HSF1: variants seen among roughly 807,000 people sequenced by gnomAD.
The protein encoded by HSF1 is heat shock transcription factor 1, also known as heat shock factor protein 1.
A neutral mutation model predicts 51.7 loss-of-function variants in HSF1; 32 were observed. The observed-to-expected ratio is 0.62, with a 90% confidence interval of 0.47 to 0.83. HSF1 has a LOEUF of 0.83. HSF1 is among the 40% of genes least tolerant of loss of function. The pLI is 0.00. For synonymous variants in HSF1, 396 were observed against 309.7 expected (o/e 1.28, Z -2.92); for missense variants, 727 against 717.0 (o/e 1.01, Z -0.16).
At chr8:144,311,427 C>A in intron 6 of HSF1, 45 bp downstream of exon 6, 1 of 1,612,510 alleles carries the variant, frequency 6.2e-7, no homozygotes, top group Non-Finnish European at 8.5e-7. Context: ...GGGCCCAGGG[C>A]TGTCCCCCTT....
chr8:144,302,235 G>A (rs1273012031), intron 1 of HSF1, among the ~76,000 whole-genome samples: 3 of 151,884 alleles, frequency 2.0e-5, no homozygotes, highest in East Asian at 2.0e-4. Context: ...CAGGCCGGGC[G>A]CCGTGGCTCA....
At chr8:144,309,402 G>A in intron 2 of HSF1, 53 bp from the exon 3 acceptor site, 1 of 1,607,520 alleles carries the variant, frequency 6.2e-7, no homozygotes, top group Non-Finnish European at 8.5e-7. Context: ...CCGCTCTTCA[G>A]GGGTTCTGGT....
rs782048899 is a variant in HSF1 at position 144,309,921 on chromosome 8, G to C, written c.488+25G>C. On this transcript the variant is annotated intron_variant, in intron 4 of 12. Coordinates refer to ENST00000528838, the MANE Select transcript of HSF1 (RefSeq NM_005526.4). ...AGTAGGTCCCACACCAGCATTATGG[G>C]CCACAGCGGGTCCTGGCGCCCACCA... The C allele has an allele frequency of 7.5e-6, 12 of 1,598,304 alleles. No individual in the cohort carries two copies. The South Asian group carries it at 1.0e-4, about 13-fold the overall frequency.
At chr8:144,298,632 C>T (rs890395651) in intron 1 of HSF1, among the ~76,000 whole-genome samples, 15 of 151,588 alleles carry the variant, frequency 9.9e-5, no homozygotes, top group Admixed American at 2.6e-4. Flanking sequence ...AAAAAACCGG[C>T]GAGGACTGAG....
At chr8:144,313,736 G>GCCTCCC (rs1219073014) in intron 10 of HSF1, 110 bp from the exon 11 acceptor site, 1 of 34,414 alleles carries the variant, frequency 2.9e-5, no homozygotes, top group African/African-American at 1.1e-3. Flanking sequence ...CCGCCTCCCC[G>GCCTCCC]CGCCTCCCCG....
At chr8:144,313,199 C>G in intron 9 of HSF1, 1 of 425,988 alleles carries the variant, frequency 2.3e-6, no homozygotes, top group Non-Finnish European at 4.3e-6. Context: ...CTCACCAACC[C>G]TGAACACTGA....
Position 144,308,997 on chromosome 8 carries a change from T to A in HSF1, c.209T>A (p.Val70Glu). The change falls in exon 2 of 13, where the codon GTG (valine) becomes GAG (glutamate). Residue 70 changes from valine to glutamate, a missense_variant. Transcript: ENST00000528838. ...YFKHNNMASF[V>E]RQLNMYGFRK... ...AAGCACAACAACATGGCCAGCTTCG[T>A]GCGGCAGCTCAACATGTGTGAGTGC... is the stretch of plus-strand genomic sequence containing the variant. The A allele has an allele frequency of 6.2e-7, 1 of 1,613,792 alleles. No individual in the cohort carries two copies. Among genetic ancestry groups the A allele is most frequent in the Non-Finnish European group, 8.5e-7 (1 of 1,179,690 alleles).
In HSF1 at chr8:144,295,713, C is replaced by CT. The variant is rs536228987; in HGVS notation, c.117+3853dup. On this transcript the variant is annotated intron_variant, in intron 1 of 12. Transcript: ENST00000528838. Reference sequence around the variant, plus strand: ...TACAGGCTTGCACCACCAGACCTGGCTTTTTTTTTTTTTTCTTTTTAAGGT... The same window carrying CT: ...TACAGGCTTGCACCACCAGACCTGGCTTTTTTTTTTTTTTTCTTTTTAAGGT... Among the ~76,000 whole-genome samples, 341 of 144,506 alleles carry CT rather than the reference C, an allele frequency of 2.4e-3. 2 individuals are homozygous for CT. The highest frequency in any genetic ancestry group is 0.01 in the East Asian group (51 of 4,960). 94.8% of individuals were successfully genotyped at this position (144,506 alleles called of 152,430 possible). A position where few individuals can be genotyped will look rare whatever the true frequency, so the allele number is the denominator to read the frequency against.
intron 10 of HSF1, 50 bp from the exon 11 acceptor site, chr8:144,313,784 CCCCGCCCCGCCT>C (rs1816985469): frequency 3.2e-5 from 1 of 30,900 alleles, no homozygotes; most frequent in Admixed American, 7.6e-4. Context: ...CGCCCCGCCT[CCCCGCCCCGCCT>C]CCCCGCCCCG....
At chr8:144,311,442 G>A in intron 6 of HSF1, 60 bp downstream of exon 6, 1 of 1,612,620 alleles carries the variant, frequency 6.2e-7, no homozygotes, top group Middle Eastern at 1.7e-4. Flanking sequence ...CCCCTTCTCT[G>A]TCAGCTGTGC....
At chr8:144,295,170 C>T (rs533282347) in intron 1 of HSF1, among the ~76,000 whole-genome samples, 83 of 152,338 alleles carry the variant, frequency 5.4e-4, no homozygotes, top group African/African-American at 2.0e-3. Flanking sequence ...AGAGGCTCTT[C>T]TAGGGCCTTG....
chr8:144,313,650 C>CCGCCCCCCCG (rs1564625525), intron 10 of HSF1, 34 bp downstream of exon 10: 3 of 249,666 alleles, frequency 1.2e-5, no homozygotes, highest in African/African-American at 7.2e-5. Flanking sequence ...CCTCCCCGCC[C>CCGCCCCCCCG]CGCCTCCCCG....
At chr8:144,313,124 G>A in intron 9 of HSF1, 2 of 387,064 alleles carry the variant, frequency 5.2e-6, no homozygotes, top group Non-Finnish European at 9.7e-6. Flanking sequence ...GCAGCACCAG[G>A]GCAGGGACTG....
intron 1 of HSF1, among the ~76,000 whole-genome samples, chr8:144,292,994 G>A (rs1287156044): frequency 2.6e-5 from 4 of 152,172 alleles, no homozygotes; most frequent in Non-Finnish European, 5.9e-5. Flanking sequence ...TGATCATTGG[G>A]AGCTTTTGGA....
intron 1 of HSF1, 143 bp from the exon 2 acceptor site, chr8:144,308,763 C>G (rs1816397893): frequency 1.5e-6 from 1 of 681,296 alleles, no homozygotes; most frequent in Non-Finnish European, 2.6e-6. Flanking sequence ...CTCCCGCCAG[C>G]CCCCTGGGCC....
chr8:144,291,982 C>G lies in HSF1; in HGVS notation c.117+108C>G, dbSNP rs1273984316. 1.5e-5 allele frequency: 8 copies of G among 536,926 alleles called. No individual in the cohort carries two copies. The highest frequency in any genetic ancestry group is 4.9e-4 in the Middle Eastern group (1 of 2,054). 33.3% of individuals were successfully genotyped at this position (536,926 alleles called of 1,614,324 possible). A position where few individuals can be genotyped will look rare whatever the true frequency, so the allele number is the denominator to read the frequency against. ...AGGGGCCCTGCCGCACTTCAGCTTA[C>G]GCGCGGTGAGCCTGCCCTGCCCCCG... On this transcript the variant is annotated intron_variant, in intron 1 of 12. Coordinates refer to ENST00000528838, the MANE Select transcript of HSF1 (RefSeq NM_005526.4). This position sits in a 1 kb window ranked among gnomAD's most constrained non-coding sequence, Gnocchi z 4.1.
At chr8:144,298,324 C>T (rs1042754604) in intron 1 of HSF1, among the ~76,000 whole-genome samples, 4 of 151,924 alleles carry the variant, frequency 2.6e-5, no homozygotes, top group African/African-American at 7.3e-5. Context: ...GGGCCGGGCA[C>T]GGTGGCTCAC....
chr8:144,313,850 T>C lies in HSF1; in HGVS notation c.1253T>C (p.Phe418Ser). The change falls in exon 11 of 13, where the codon TTC (phenylalanine) becomes TCC (serine). Residue 418 changes from phenylalanine (F) to serine (S), a missense_variant. Transcript: ENST00000528838. ...SVDTSALLDL[F>S]SPSVTVPDMS... ...ACTTCCCTCCCTCCTCCGCAGCTGT[T>C]CAGCCCCTCGGTGACCGTGCCCGAC... 1 of 1,583,326 alleles carries C rather than the reference T, an allele frequency of 6.3e-7. No individual in the cohort carries two copies. The highest frequency in any genetic ancestry group is 8.6e-7 in the Non-Finnish European group (1 of 1,169,486).
intron 10 of HSF1, 44 bp downstream of exon 10, chr8:144,313,660 G>GCGCCGCCCCGCCGCCCCGCCTCC (rs1554419999): frequency 9.3e-6 from 1 of 107,798 alleles, no homozygotes; most frequent in African/African-American, 9.8e-5. Context: ...CCGCCTCCCC[G>GCGCCGCCCCGCCGCCCCGCCTCC]CCGCGCCGCC....
Sources: allele counts gnomAD v4.1 joint callset (sites outside exome capture counted in the v4.1 genomes callset), GRCh38; gene constraint gnomAD v4.1.1; non-coding constraint Gnocchi (gnomAD v3.1); transcripts MANE v1.5; gene names NCBI Gene and HGNC (gene_info 2026-07-23, HGNC 2026-07-21).